Variants in CDH19 observed in about 807,000 individuals in gnomAD.
CDH19 encodes the protein cadherin-19.
Under a neutral mutation model 64.2 loss-of-function variants are expected in CDH19, and 67 were observed. The observed-to-expected ratio is 1.04, with a 90% confidence interval of 0.86 to 1.28. The LOEUF (loss-of-function observed/expected upper bound fraction) is 1.28, where lower values mean the gene tolerates loss of function less well. CDH19 is among the 50% of genes most tolerant of loss of function. The pLI, the probability that CDH19 is intolerant of heterozygous loss-of-function variation, is 0.00. For missense variants in CDH19, 1,030 were observed against 929.0 expected, an observed-to-expected ratio of 1.11 and a Z score of -1.41; for synonymous variants, 346 against 319.3, an observed-to-expected ratio of 1.08 and a Z score of -0.89.
intron 9 of CDH19, among the ~76,000 whole-genome samples, chr18:66,514,016 G>A (rs1985620265): frequency 1.3e-5 from 2 of 151,412 alleles, no homozygotes; most frequent in Admixed American, 1.3e-4. Context: ...CTTACCTATG[G>A]GCCAGGATCT....
chr18:66,601,220 G>A (rs1385792954), intron 1 of CDH19, among the ~76,000 whole-genome samples: 1 of 151,702 alleles, frequency 6.6e-6, no homozygotes, highest in East Asian at 1.9e-4. Flanking sequence ...TAAAATAGAT[G>A]GCAAACTCTC....
chr18:66,521,787 G>A (rs1985997904), intron 9 of CDH19, among the ~76,000 whole-genome samples: 1 of 151,930 alleles, frequency 6.6e-6, no homozygotes, highest in South Asian at 2.1e-4. Context: ...GGACTTGAGT[G>A]CTGCTCTTAC....
At chr18:66,536,859 C>T (rs1012555912) in intron 7 of CDH19, among the ~76,000 whole-genome samples, 25 of 151,658 alleles carry the variant, frequency 1.6e-4, no homozygotes, top group Non-Finnish European at 3.4e-4. Context: ...ATATTTTTCC[C>T]ATTTTTAAAC....
chr18:66,536,031 GA>G (rs1276457334), intron 7 of CDH19, among the ~76,000 whole-genome samples: 3 of 145,250 alleles, frequency 2.1e-5, no homozygotes, highest in African/African-American at 2.5e-5. Context: ...TCTCCCAAGG[GA>G]AAAAAAAAAC....
At chr18:66,601,700 T>A (rs1380250445) in intron 1 of CDH19, among the ~76,000 whole-genome samples, 1 of 151,922 alleles carries the variant, frequency 6.6e-6, no homozygotes, top group South Asian at 2.1e-4. Flanking sequence ...TCTTAACGAA[T>A]CATATCAGCA....
chr18:66,538,699 T>A (rs1472079398), intron 7 of CDH19, among the ~76,000 whole-genome samples: 1 of 152,174 alleles, frequency 6.6e-6, no homozygotes, highest in East Asian at 1.9e-4. Context: ...ATTAGATTTA[T>A]TAAAATCAAA....
chr18:66,593,371 A>C (rs1173259273), intron 1 of CDH19, among the ~76,000 whole-genome samples: 1 of 152,000 alleles, frequency 6.6e-6, no homozygotes, highest in East Asian at 1.9e-4. Context: ...CTTATACAAA[A>C]AAATTTATCA....
chr18:66,509,273 T>G (rs1333504101), intron 10 of CDH19, 27 bp from the exon 11 acceptor site: 1 of 1,604,826 alleles, frequency 6.2e-7, no homozygotes, highest in Middle Eastern at 1.7e-4. Context: ...TGTGCATAAT[T>G]TTTTCAACTA....
intron 9 of CDH19, among the ~76,000 whole-genome samples, chr18:66,526,256 T>G (rs1173220057): frequency 6.6e-6 from 1 of 152,156 alleles, no homozygotes; most frequent in Non-Finnish European, 1.5e-5. Context: ...TTAAGCATAG[T>G]ATACATATAT....
chr18:66,534,844 A>G (rs900740178), intron 8 of CDH19, 142 bp downstream of exon 8: 1 of 459,080 alleles, frequency 2.2e-6, no homozygotes, highest in Non-Finnish European at 3.7e-6. Context: ...CTAATAAAAT[A>G]CGCAAGTACA....
At chr18:66,563,539 C>T (rs1987799241) in intron 3 of CDH19, among the ~76,000 whole-genome samples, 1 of 151,828 alleles carries the variant, frequency 6.6e-6, no homozygotes, top group African/African-American at 2.4e-5. Context: ...ATTTCTGCAA[C>T]AATAAAACAG....
intron 1 of CDH19, among the ~76,000 whole-genome samples, chr18:66,582,851 T>C (rs1173929504): frequency 6.6e-6 from 1 of 152,032 alleles, no homozygotes; most frequent in African/African-American, 2.4e-5. Flanking sequence ...TAGAGGACTG[T>C]GGATTAATGA....
rs1166568262 is a variant in CDH19, at chr18:66,544,009, C to T, written c.1176G>A (p.Val392=). 1 of 1,613,650 alleles carries T rather than the reference C, an allele frequency of 6.2e-7. No homozygotes were observed. The highest frequency in any genetic ancestry group is 8.5e-7 in the Non-Finnish European group (1 of 1,179,606). Residue 392 remains valine, a synonymous_variant, in exon 7 of 12, where the codon GTG becomes GTA. Transcript: ENST00000262150. ...ETPQGSFVGV[V]SATDPDNRKS... ...TCCTATTGTCTGGGTCTGTGGCAGA[C>T]ACCACGCCTACAAATGATCCCTGTG... is the stretch of plus-strand genomic sequence containing the variant.
chr18:66,542,281 G>C (rs1035870035), intron 7 of CDH19, among the ~76,000 whole-genome samples: 33 of 152,126 alleles, frequency 2.2e-4, no homozygotes, highest in Admixed American at 1.6e-3. Flanking sequence ...GGAAAAGTGG[G>C]AACATTTCTT....
chr18:66,506,391 C>G (rs1598962624), intron 11 of CDH19, among the ~76,000 whole-genome samples: 1 of 151,986 alleles, frequency 6.6e-6, no homozygotes, highest in Admixed American at 6.6e-5. Flanking sequence ...GCATTATACA[C>G]TATATACAGG....
chr18:66,534,401 C>T (rs1310347399), intron 8 of CDH19, among the ~76,000 whole-genome samples: 2 of 151,878 alleles, frequency 1.3e-5, no homozygotes, highest in Non-Finnish European at 2.9e-5. Context: ...GAGATATCTG[C>T]TCCCTGCCTC....
At chr18:66,512,813 T>A (rs2156354) in intron 9 of CDH19, among the ~76,000 whole-genome samples, 1 of 151,222 alleles carries the variant, frequency 6.6e-6, no homozygotes, top group Admixed American at 6.6e-5. Context: ...GGGCAGGGGC[T>A]TGGAAACCCA....
chr18:66,506,161 T>C (rs901139154), intron 11 of CDH19, among the ~76,000 whole-genome samples: 4 of 151,894 alleles, frequency 2.6e-5, no homozygotes, highest in Non-Finnish European at 5.9e-5. Flanking sequence ...GTACCAAGAT[T>C]TGGAGAGTAG....
chr18:66,579,616 A>G (rs966071402), intron 1 of CDH19, among the ~76,000 whole-genome samples: 3 of 152,086 alleles, frequency 2.0e-5, no homozygotes, highest in African/African-American at 7.2e-5. Flanking sequence ...CAAAAAAAGC[A>G]GGAGTATAGG....
Sources: allele counts gnomAD v4.1 joint callset (sites outside exome capture counted in the v4.1 genomes callset), GRCh38; gene constraint gnomAD v4.1.1; transcripts MANE v1.5; gene names NCBI Gene and HGNC (gene_info 2026-07-23, HGNC 2026-07-21).